The following KIF5B variants were observed in gnomAD, a reference collection of about 807,000 sequenced individuals.
KIF5B encodes the protein kinesin family member 5B, also known as kinesin-1 heavy chain.
A neutral mutation model predicts 132.8 loss-of-function variants in KIF5B; 49 were observed. That is an observed-to-expected ratio of 0.37 (90% CI 0.29 to 0.47). The LOEUF (loss-of-function observed/expected upper bound fraction) is 0.47. Ranked by LOEUF, KIF5B falls within the 20% of genes least tolerant of loss-of-function variation. KIF5B has a pLI of 1.00. For missense variants in KIF5B, 780 were observed against 1,144.0 expected, an observed-to-expected ratio of 0.68 and a Z score of 4.59; for synonymous variants, 355 against 369.4, an observed-to-expected ratio of 0.96 and a Z score of 0.45.
In KIF5B at chr10:32,022,917, T is replaced by C; in HGVS notation, c.1845A>G (p.Gln615=). The C allele has an allele frequency of 1.9e-6, 3 of 1,613,650 alleles. No homozygotes were observed. The highest frequency in any genetic ancestry group is 1.1e-5 in the South Asian group (1 of 91,034). ...VKRCKQLEST[Q]TESNKKMEEN... is the part of the protein sequence containing the mutation. ...CTTCCATTTTTTTGTTGCTCTCAGT[T>C]TGTGTGCTTTCTAACTGCTTGCAAC... Residue 615 remains glutamine, a synonymous_variant, in exon 16 of 26, where the codon CAA becomes CAG. Coordinates refer to ENST00000302418, the MANE Select transcript of KIF5B (RefSeq NM_004521.3).
chr10:32,052,287 G>T (rs1841703420), intron 1 of KIF5B, among the ~76,000 whole-genome samples: 1 of 152,114 alleles, frequency 6.6e-6, no homozygotes, highest in Non-Finnish European at 1.5e-5. Flanking sequence ...AACTGTAAAG[G>T]TATGTGATGA....
intron 2 of KIF5B, among the ~76,000 whole-genome samples, chr10:32,040,744 A>G (rs1005789023): frequency 6.6e-6 from 1 of 152,030 alleles, no homozygotes; most frequent in Non-Finnish European, 1.5e-5. Context: ...CTGTAATCAC[A>G]GCACTTTGGG....
chr10:32,036,058 T>C, intron 8 of KIF5B, 64 bp from the exon 9 acceptor site: 3 of 1,128,188 alleles, frequency 2.7e-6, no homozygotes, highest in Non-Finnish European at 3.7e-6. Context: ...TTACATTTTC[T>C]AAAATGTTCA....
Position 32,050,631 on chromosome 10 carries a change from G to A in KIF5B, c.127-2080C>T, listed in dbSNP as rs567974598. On this transcript the variant is annotated intron_variant, in intron 1 of 25. Transcript: ENST00000302418. The stretch of plus-strand genomic sequence containing the variant: ...TTATTTATTTAAGCCACTATTAGCT[G>A]TTGGTTTTTCCTCTAAAGCTGAAAG... Among the ~76,000 whole-genome samples, 79 of 152,354 alleles carry A rather than the reference G, an allele frequency of 5.2e-4. 1 individual carries two copies. The highest frequency in any genetic ancestry group is 2.3e-3 in the South Asian group (11 of 4,828).
chr10:32,047,852 T>G (rs1406180829), intron 2 of KIF5B, among the ~76,000 whole-genome samples: 1 of 152,196 alleles, frequency 6.6e-6, no homozygotes, highest in Non-Finnish European at 1.5e-5. Flanking sequence ...TAACAGCCAT[T>G]CCTTTGATTA....
At chr10:32,012,368 G>A (rs1335601983) in intron 25 of KIF5B, among the ~76,000 whole-genome samples, 4 of 152,228 alleles carry the variant, frequency 2.6e-5, no homozygotes, top group South Asian at 2.1e-4. Context: ...CCAGCTACTC[G>A]GGAGGGTGAG....
chr10:32,041,119 C>A (rs1428978599), intron 2 of KIF5B, among the ~76,000 whole-genome samples: 2 of 147,904 alleles, frequency 1.4e-5, no homozygotes, highest in Non-Finnish European at 3.0e-5. Context: ...GCACTCCAGC[C>A]TGGGTGACAC....
chr10:32,055,957 T>A lies in KIF5B; in HGVS notation c.17A>T (p.Glu6Val). The change falls in exon 1 of 26, where the codon GAG becomes GTG. Residue 6 changes from glutamate (E) to valine (V), a missense_variant. Coordinates refer to ENST00000302418, the MANE Select transcript of KIF5B (RefSeq NM_004521.3). Reference sequence around the variant, plus strand: ...GCGACACATCACTTTGATGTTGCACTCGGCCAGGTCCGCCATCTTTCTCGC... The same window carrying A: ...GCGACACATCACTTTGATGTTGCACACGGCCAGGTCCGCCATCTTTCTCGC... MADLA[E>V]CNIKVMCRFR... 2 of 1,608,024 alleles carry A rather than the reference T, an allele frequency of 1.2e-6. No individual in the cohort carries two copies. Among genetic ancestry groups the A allele is most frequent in the East Asian group, 2.2e-5 (1 of 44,830 alleles).
At chr10:32,052,487 AC>A (rs1212261437) in intron 1 of KIF5B, among the ~76,000 whole-genome samples, 7 of 152,238 alleles carry the variant, frequency 4.6e-5, no homozygotes, top group African/African-American at 1.4e-4. Flanking sequence ...TTTACGGTGT[AC>A]CATATAAGGA....
intron 24 of KIF5B, among the ~76,000 whole-genome samples, chr10:32,016,021 G>C (rs1375557552): frequency 6.6e-6 from 1 of 152,030 alleles, no homozygotes; most frequent in African/African-American, 2.4e-5. Context: ...GCGTGCACCT[G>C]TAGTCCCAGC....
Position 32,037,204 on chromosome 10 carries a change from A to G in KIF5B, c.711+50T>C, listed in dbSNP as rs1388846077. ...CCCTGCGTAACTCCCAACTCAAACT[A>G]AAGTTTACAAAGATGCTTAAATATT... On this transcript the variant is annotated intron_variant, in intron 8 of 25. Coordinates refer to ENST00000302418, the MANE Select transcript of KIF5B (RefSeq NM_004521.3). 1.4e-5 allele frequency: 22 copies of G among 1,568,078 alleles called. No individual in the cohort carries two copies. In the Admixed American group the frequency reaches 3.5e-4, roughly 25 times the overall value.
At chr10:32,032,831 C>T (rs970751148) in intron 12 of KIF5B, 57 bp from the exon 13 acceptor site, 132 of 1,282,628 alleles carry the variant, frequency 1.0e-4, no homozygotes, top group Non-Finnish European at 1.4e-4. Context: ...CTAGTTGTTT[C>T]CCAATACAGG....
chr10:32,015,704 GTGACTGCAA>G, intron 24 of KIF5B, 45 bp from the exon 25 acceptor site: 1 of 1,503,004 alleles, frequency 6.7e-7, no homozygotes, highest in Middle Eastern at 1.7e-4. Flanking sequence ...AGTTTAAGAT[GTGACTGCAA>G]TGACTGTTAA....
At chr10:32,014,947 A>G (rs1435665517) in intron 25 of KIF5B, among the ~76,000 whole-genome samples, 1 of 151,950 alleles carries the variant, frequency 6.6e-6, no homozygotes, top group Non-Finnish European at 1.5e-5. Flanking sequence ...ACATGGTGAA[A>G]CCCCTCGTCT....
At chr10:32,054,753 A>G (rs1415078887) in intron 1 of KIF5B, among the ~76,000 whole-genome samples, 2 of 152,342 alleles carry the variant, frequency 1.3e-5, no homozygotes, top group East Asian at 3.9e-4. Context: ...TTCGTATGCC[A>G]TACTTTACAA....
At chr10:32,024,160 T>C (rs1476660747) in intron 15 of KIF5B, among the ~76,000 whole-genome samples, 1 of 127,084 alleles carries the variant, frequency 7.9e-6, no homozygotes, top group Non-Finnish European at 1.7e-5. Context: ...TTTTTTTTTT[T>C]TTTTTTTTTT....
intron 6 of KIF5B, 38 bp downstream of exon 6, chr10:32,038,123 AAG>A: frequency 7.7e-7 from 1 of 1,295,788 alleles, no homozygotes; most frequent in Non-Finnish European, 1.1e-6. Flanking sequence ...AAAAAAAAAA[AAG>A]TATTACAGGG....
intron 2 of KIF5B, among the ~76,000 whole-genome samples, chr10:32,043,030 C>G (rs1402344018): frequency 1.3e-5 from 2 of 152,110 alleles, no homozygotes; most frequent in African/African-American, 4.8e-5. Context: ...CTCTGTCACC[C>G]AGGCTGGAGT....
rs545165851 is a variant in KIF5B at position 32,010,876 on chromosome 10, T to A, written c.*661A>T. On this transcript the variant is annotated 3_prime_UTR_variant, in exon 26 of 26. Transcript: ENST00000302418. The stretch of plus-strand genomic sequence containing the variant: ...TGAGATAACAAGTAGCCTTGCTCAG[T>A]CTCAAATGCCTATTAGGCATTTGTA... 6.6e-5 allele frequency: 10 copies of A among 152,308 alleles called. No homozygotes were observed. Among genetic ancestry groups the A allele is most frequent in the African/African-American group, 2.2e-4 (9 of 41,578 alleles). 9.4% of individuals were successfully genotyped at this position (152,308 alleles called of 1,614,324 possible).
Sources: allele counts gnomAD v4.1 joint callset (sites outside exome capture counted in the v4.1 genomes callset), GRCh38; gene constraint gnomAD v4.1.1; transcripts MANE v1.5; gene names NCBI Gene and HGNC (gene_info 2026-07-23, HGNC 2026-07-21).